The following GSE1 variants were observed in gnomAD, a reference collection of about 807,000 sequenced individuals.
GSE1 encodes the protein Gse1 coiled-coil protein.
In GSE1, 32 loss-of-function variants were observed where a neutral mutation model predicts 112.6. The observed-to-expected ratio is 0.28, with a 90% CI of 0.21 to 0.38. GSE1 has a LOEUF of 0.38. Ranked by LOEUF, GSE1 falls within the 10% of genes least tolerant of loss-of-function variation. The pLI, the probability that GSE1 is intolerant of heterozygous loss-of-function variation, is 1.00. For synonymous variants in GSE1, 1,115 were observed against 735.6 expected (o/e 1.52, Z -8.35); for missense variants, 2,348 against 1,699.2 (o/e 1.38, Z -6.71).
chr16:85,654,012 C>G (rs565760820), intron 3 of GSE1, among the ~76,000 whole-genome samples: 150 of 152,212 alleles, frequency 9.9e-4, no homozygotes, highest in African/African-American at 3.5e-3. Flanking sequence ...GGTTCTAGTT[C>G]TTTTGCTGGA....
intron 1 of GSE1, among the ~76,000 whole-genome samples, chr16:85,253,275 C>T (rs1220199749): frequency 1.3e-5 from 2 of 152,196 alleles, no homozygotes; most frequent in Admixed American, 1.3e-4. Context: ...CAGTCCTGCC[C>T]TGGAGTCTGC....
intron 1 of GSE1, among the ~76,000 whole-genome samples, chr16:85,346,953 G>C (rs1244407201): frequency 3.3e-5 from 5 of 152,162 alleles, no homozygotes; most frequent in African/African-American, 1.2e-4. Flanking sequence ...GTGGGTGGAT[G>C]GGTAGATATG....
At chr16:85,564,157 G>A (rs902358137) in intron 1 of GSE1, among the ~76,000 whole-genome samples, 1 of 152,220 alleles carries the variant, frequency 6.6e-6, no homozygotes. Context: ...ACTCTTAGAA[G>A]CATCCTGGCA....
chr16:85,386,433 C>T (rs1395077351), intron 2 of GSE1, among the ~76,000 whole-genome samples: 5 of 152,200 alleles, frequency 3.3e-5, no homozygotes, highest in Admixed American at 6.5e-5. Context: ...TATGACGTAA[C>T]GCACGGGGGT....
At chr16:85,341,545 C>G (rs1292555160) in intron 1 of GSE1, among the ~76,000 whole-genome samples, 3 of 152,080 alleles carry the variant, frequency 2.0e-5, no homozygotes, top group African/African-American at 7.2e-5. Flanking sequence ...GTAATCCCAG[C>G]TACACGGGAG....
At position 85,391,056 on chromosome 16, in the gene GSE1, G is replaced by T. The variant is rs565592462; in HGVS notation, c.2464+33413G>T. ...CAGCCTCCTTGGCTGGGGCTGCTTA[G>T]CTGGTTTGATGCTGTCAGCTCCCAG... On this transcript the variant is annotated intron_variant, in intron 2 of 2. Coordinates refer to the GSE1 transcript ENST00000637419. Among the ~76,000 whole-genome samples, 15 of 151,782 alleles carry T rather than the reference G, an allele frequency of 9.9e-5. No homozygotes were observed. In the East Asian group the frequency reaches 3.0e-3, roughly 30 times the overall value.
chr16:85,658,060 G>T (rs182454381), intron 8 of GSE1, among the ~76,000 whole-genome samples: 24 of 152,328 alleles, frequency 1.6e-4, no homozygotes, highest in African/African-American at 5.8e-4. Flanking sequence ...TGTATTAATA[G>T]TAAAAACACA....
chr16:85,376,409 G>T (rs886194715), intron 2 of GSE1, among the ~76,000 whole-genome samples: 1 of 152,248 alleles, frequency 6.6e-6, no homozygotes, highest in African/African-American at 2.4e-5. Flanking sequence ...GCCCATTAGG[G>T]CTGGGCTGGG....
At chr16:85,550,030 T>C (rs1490811917) in intron 2 of GSE1, among the ~76,000 whole-genome samples, 3 of 152,206 alleles carry the variant, frequency 2.0e-5, no homozygotes, top group East Asian at 1.9e-4. Flanking sequence ...ACAGGACTAA[T>C]GGCTGCTCTG....
intron 2 of GSE1, among the ~76,000 whole-genome samples, chr16:85,507,018 G>C (rs2051557558): frequency 6.6e-6 from 1 of 152,178 alleles, no homozygotes; most frequent in Non-Finnish European, 1.5e-5. Context: ...GCCGACCAGT[G>C]GCTCTGCCTC....
intron 1 of GSE1, among the ~76,000 whole-genome samples, chr16:85,588,316 G>C (rs149343293): frequency 6.6e-4 from 100 of 152,334 alleles, no homozygotes; most frequent in African/African-American, 2.3e-3. Context: ...CCTTGAGAGA[G>C]GCAGCACATG....
intron 1 of GSE1, among the ~76,000 whole-genome samples, chr16:85,630,022 G>A (rs1433579832): frequency 6.6e-6 from 1 of 152,228 alleles, no homozygotes; most frequent in Non-Finnish European, 1.5e-5. Context: ...GTTGGCTGGG[G>A]CTGCGGTCTC....
chr16:85,242,212 C>G (rs147064498), intron 1 of GSE1, among the ~76,000 whole-genome samples: 1 of 152,304 alleles, frequency 6.6e-6, no homozygotes, highest in East Asian at 1.9e-4. Flanking sequence ...GAGTGTAATG[C>G]CTTTCTGTCC....
intron 2 of GSE1, among the ~76,000 whole-genome samples, chr16:85,374,799 G>T (rs1240985364): frequency 6.6e-6 from 1 of 152,176 alleles, no homozygotes; most frequent in Non-Finnish European, 1.5e-5. Flanking sequence ...CTCCTCTTGG[G>T]CTGCCTTCTG....
At chr16:85,659,071 C>T (rs933354604) in intron 8 of GSE1, among the ~76,000 whole-genome samples, 2 of 152,252 alleles carry the variant, frequency 1.3e-5, no homozygotes, top group South Asian at 2.1e-4. Flanking sequence ...ATTTATTCTC[C>T]TGCAGGTTTC....
intron 2 of GSE1, among the ~76,000 whole-genome samples, chr16:85,538,021 G>A (rs2044390792): frequency 6.6e-6 from 1 of 152,194 alleles, no homozygotes; most frequent in Non-Finnish European, 1.5e-5. Flanking sequence ...GTGCAGCCTT[G>A]GGCCCGGACC....
chr16:85,439,213 G>A (rs2049319165), intron 2 of GSE1, among the ~76,000 whole-genome samples: 1 of 152,250 alleles, frequency 6.6e-6, no homozygotes, highest in South Asian at 2.1e-4. Flanking sequence ...ATGTGGCTGA[G>A]GCAAAAAGCC....
chr16:85,172,500 C>T (rs1023715228), intron 1 of GSE1, among the ~76,000 whole-genome samples: 6 of 152,244 alleles, frequency 3.9e-5, no homozygotes, highest in African/African-American at 7.2e-5. Context: ...GCCTGCCTTC[C>T]TGCTGCCCGC....
At chr16:85,189,223 T>A (rs2074773094) in intron 1 of GSE1, among the ~76,000 whole-genome samples, 1 of 152,252 alleles carries the variant, frequency 6.6e-6, no homozygotes, top group South Asian at 2.1e-4. Flanking sequence ...ACCTAGACAC[T>A]TATCTGTATG....
Sources: allele counts gnomAD v4.1 joint callset (sites outside exome capture counted in the v4.1 genomes callset), GRCh38; gene constraint gnomAD v4.1.1; transcripts MANE v1.5; gene names NCBI Gene and HGNC (gene_info 2026-07-23, HGNC 2026-07-21).